PRR16: variants seen among roughly 807,000 people sequenced by gnomAD.
The protein encoded by PRR16 is proline rich 16.
PRR16 carries 6 observed loss-of-function variants against 18.2 expected under a neutral mutation model. That is an observed-to-expected ratio of 0.33 (90% CI 0.18 to 0.65). The LOEUF (loss-of-function observed/expected upper bound fraction) is 0.65. Among genes scored for constraint, PRR16 ranks in the 30% least tolerant of loss-of-function variants. The pLI is 0.74. For synonymous variants in PRR16, 151 were observed against 147.8 expected, an observed-to-expected ratio of 1.02 and a Z score of -0.16; for missense variants, 412 against 376.6, an observed-to-expected ratio of 1.09 and a Z score of -0.78.
At chr5:120,564,413 G>T (rs998419365) in intron 1 of PRR16, among the ~76,000 whole-genome samples, 2 of 152,104 alleles carry the variant, frequency 1.3e-5, no homozygotes, top group East Asian at 1.9e-4. Context: ...GAGGCTTCCC[G>T]TGAAACTCCG....
chr5:120,718,215 C>T, the PRR16 span, among the ~76,000 whole-genome samples: 1 of 152,008 alleles, frequency 6.6e-6, no homozygotes, highest in Non-Finnish European at 1.5e-5. Flanking sequence ...ATTCATTTAC[C>T]ATTTCTGTGG....
chr5:120,487,660 A>C (rs4340940), intron 1 of PRR16, among the ~76,000 whole-genome samples: 151,969 of 152,202 alleles, frequency 1, 75,868 homozygotes, highest in East Asian at 1. Flanking sequence ...GCCTCATTGC[A>C]CTGGTCAGAA....
the PRR16 span, among the ~76,000 whole-genome samples, chr5:120,793,032 G>C: frequency 6.7e-6 from 1 of 149,394 alleles, no homozygotes; most frequent in African/African-American, 2.4e-5. Flanking sequence ...GGTGCCTGTA[G>C]TTCCAGCTAC....
the PRR16 span, among the ~76,000 whole-genome samples, chr5:120,766,003 T>C: frequency 2.6e-5 from 4 of 152,054 alleles, no homozygotes; most frequent in Non-Finnish European, 5.9e-5. Context: ...TCCATTCCAG[T>C]GTTTATAGGT....
At chr5:120,623,896 T>A (rs893610841) in intron 1 of PRR16, among the ~76,000 whole-genome samples, 24 of 151,980 alleles carry the variant, frequency 1.6e-4, no homozygotes, top group Non-Finnish European at 2.9e-4. Context: ...GATTTAATCA[T>A]TCTACATAAT....
rs1755430310 is a variant in PRR16 at position 120,641,768 on chromosome 5, T to C, written c.160-44186T>C. On this transcript the variant is annotated intron_variant, in intron 1 of 1. Coordinates refer to ENST00000407149, the MANE Select transcript of PRR16 (RefSeq NM_001300783.2). The stretch of plus-strand genomic sequence containing the variant: ...AAATCATCCATATGCAGCTTCACCC[T>C]CCGTCTGCAGAGAGCGTTAACTGGA... Among the ~76,000 whole-genome samples the C allele has an allele frequency of 2.0e-5, 3 of 152,190 alleles. No homozygotes were observed. In the South Asian group the frequency reaches 6.2e-4, roughly 32 times the overall value.
chr5:120,568,759 CT>C (rs770573580), intron 1 of PRR16, among the ~76,000 whole-genome samples: 3 of 152,036 alleles, frequency 2.0e-5, no homozygotes, highest in African/African-American at 4.8e-5. Context: ...GATTCAGATG[CT>C]TTTCTGGAGA....
intron 1 of PRR16, among the ~76,000 whole-genome samples, chr5:120,530,283 ATTTATTTATTTATTTATT>A (rs1423359646): frequency 7.9e-5 from 7 of 88,278 alleles, no homozygotes; most frequent in African/African-American, 2.7e-4. Flanking sequence ...ATATATATAT[ATTTATTTATTTATTTATT>A]TATTTATTTA....
chr5:120,711,864 A>G, the PRR16 span, among the ~76,000 whole-genome samples: 2 of 152,180 alleles, frequency 1.3e-5, no homozygotes, highest in African/African-American at 4.8e-5. Flanking sequence ...ATTTACAGAG[A>G]GAGGCCAGGA....
Position 120,523,429 on chromosome 5 carries a change from T to G in PRR16, c.159+58784T>G, listed in dbSNP as rs377650588. ...GGCAAGTACTGTCTTGAGTTGCAGA[T>G]ATGAACTTTGCCATAGCACAGTATA... On this transcript the variant is annotated intron_variant, in intron 1 of 1. Transcript: ENST00000407149. 1.2e-4 allele frequency among the ~76,000 whole-genome samples: 18 copies of G among 152,214 alleles called. 1 individual carries two copies. In the East Asian group the frequency reaches 2.1e-3, roughly 18 times the overall value.
chr5:120,504,771 A>G (rs779194870), intron 1 of PRR16, among the ~76,000 whole-genome samples: 3 of 152,100 alleles, frequency 2.0e-5, no homozygotes, highest in Non-Finnish European at 2.9e-5. Context: ...TATGACAAAA[A>G]CTGAGGAATT....
intron 1 of PRR16, among the ~76,000 whole-genome samples, chr5:120,654,179 G>A (rs1278729495): frequency 2.0e-5 from 3 of 151,912 alleles, no homozygotes; most frequent in Non-Finnish European, 4.4e-5. Flanking sequence ...TTTGCTGCTT[G>A]GAATGCAGAC....
At chr5:120,677,264 G>C (rs1439527949) in intron 1 of PRR16, among the ~76,000 whole-genome samples, 3 of 152,134 alleles carry the variant, frequency 2.0e-5, no homozygotes, top group African/African-American at 7.2e-5. Context: ...TGGCCCTACT[G>C]TGTCCTTGCT....
intron 1 of PRR16, among the ~76,000 whole-genome samples, chr5:120,469,356 C>G (rs115119106): frequency 2.9e-3 from 434 of 152,270 alleles, no homozygotes; most frequent in Non-Finnish European, 5.1e-3. Context: ...GTATCTTGCC[C>G]TGTCACTTAG....
the PRR16 span, among the ~76,000 whole-genome samples, chr5:120,793,029 G>A: frequency 6.7e-6 from 1 of 149,332 alleles, no homozygotes; most frequent in African/African-American, 2.4e-5. Context: ...GTGGGTGCCT[G>A]TAGTTCCAGC....
At chr5:120,577,988 GA>G (rs1199221055) in intron 1 of PRR16, among the ~76,000 whole-genome samples, 1 of 151,720 alleles carries the variant, frequency 6.6e-6, no homozygotes, top group South Asian at 2.1e-4. Context: ...CTTATGAGTG[GA>G]AAAAATAAAT....
At chr5:120,675,706 T>G (rs1756771574) in intron 1 of PRR16, among the ~76,000 whole-genome samples, 1 of 148,246 alleles carries the variant, frequency 6.7e-6, no homozygotes, top group African/African-American at 2.4e-5. Flanking sequence ...AACTAGAAAC[T>G]TATTTTTTAT....
intron 1 of PRR16, among the ~76,000 whole-genome samples, chr5:120,584,915 C>T (rs932774930): frequency 1.3e-5 from 2 of 152,146 alleles, no homozygotes; most frequent in African/African-American, 2.4e-5. Context: ...GACACTGGAT[C>T]ATTTCAATCT....
At chr5:120,605,544 A>T (rs1754126105) in intron 1 of PRR16, among the ~76,000 whole-genome samples, 1 of 152,158 alleles carries the variant, frequency 6.6e-6, no homozygotes, top group African/African-American at 2.4e-5. Flanking sequence ...CTGGTTAAGA[A>T]TCATTGCTGC....
Sources: allele counts gnomAD v4.1 joint callset (sites outside exome capture counted in the v4.1 genomes callset), GRCh38; gene constraint gnomAD v4.1.1; transcripts MANE v1.5; gene names NCBI Gene and HGNC (gene_info 2026-07-23, HGNC 2026-07-21).